C1orf21: variants seen among roughly 807,000 people sequenced by gnomAD.
C1orf21 encodes the protein chromosome 1 open reading frame 21.
A neutral mutation model predicts 18.7 loss-of-function variants in C1orf21; 3 were observed. The ratio of observed to expected loss-of-function variants is 0.16; its 90% CI spans 0.07 to 0.42. The LOEUF (loss-of-function observed/expected upper bound fraction) is 0.42, where lower values mean the gene tolerates loss of function less well. Among genes scored for constraint, C1orf21 ranks in the 10% least tolerant of loss-of-function variants. The pLI, the probability that C1orf21 is intolerant of heterozygous loss-of-function variation, is 0.99. For missense variants in C1orf21, 104 were observed against 143.6 expected (o/e 0.72, Z 1.41); for synonymous variants, 41 against 46.4 (o/e 0.88, Z 0.47).
At chr1:184,473,292 A>G (rs1381323901) in intron 1 of C1orf21, among the ~76,000 whole-genome samples, 2 of 152,190 alleles carry the variant, frequency 1.3e-5, no homozygotes, top group East Asian at 3.8e-4. Context: ...CATGCTGGTA[A>G]TAACAACATG....
At chr1:184,451,128 T>C (rs1465775442) in intron 1 of C1orf21, among the ~76,000 whole-genome samples, 2 of 152,208 alleles carry the variant, frequency 1.3e-5, no homozygotes, top group Non-Finnish European at 2.9e-5. Context: ...TCCGTCTGCC[T>C]CGGCCTCCCA....
chr1:184,467,835 T>G (rs1034195653), intron 1 of C1orf21, among the ~76,000 whole-genome samples: 1 of 152,210 alleles, frequency 6.6e-6, no homozygotes, highest in Non-Finnish European at 1.5e-5. Context: ...TCAAAATTCA[T>G]GAGGTCATAT....
At chr1:184,503,915 A>G (rs1259101355) in intron 2 of C1orf21, among the ~76,000 whole-genome samples, 2 of 152,188 alleles carry the variant, frequency 1.3e-5, no homozygotes, top group Non-Finnish European at 2.9e-5. Flanking sequence ...GTACATGTTC[A>G]AGGGAGAAGC....
At chr1:184,520,216 G>A (rs543701682) in intron 3 of C1orf21, among the ~76,000 whole-genome samples, 1 of 152,046 alleles carries the variant, frequency 6.6e-6, no homozygotes, top group East Asian at 1.9e-4. Context: ...TCCGTTTTTT[G>A]GTTCCTGTTC....
At chr1:184,575,020 A>G (rs781721294) in intron 3 of C1orf21, among the ~76,000 whole-genome samples, 1 of 152,226 alleles carries the variant, frequency 6.6e-6, no homozygotes, top group Non-Finnish European at 1.5e-5. Flanking sequence ...AGATACGCAA[A>G]TGAAGAAACT....
chr1:184,467,780 A>T (rs1159695006), intron 1 of C1orf21, among the ~76,000 whole-genome samples: 2 of 152,116 alleles, frequency 1.3e-5, no homozygotes, highest in African/African-American at 4.8e-5. Context: ...TCTCTTATTG[A>T]TTGCCTACTA....
At position 184,517,169 on chromosome 1, in the gene C1orf21, G is replaced by T. The variant is rs912385779; in HGVS notation, c.189+9487G>T. On this transcript the variant is annotated intron_variant, in intron 3 of 5. Transcript: ENST00000235307. ...GAATATAACTTGTGAGGAATAAAAG[G>T]CTTGTAAATGAATGTTAAAACTTTC... Among the ~76,000 whole-genome samples the T allele has an allele frequency of 5.7e-4, 87 of 152,162 alleles. 1 individual carries two copies. Among genetic ancestry groups the T allele is most frequent in the Admixed American group, 2.0e-4 (3 of 15,268 alleles).
Position 184,571,894 on chromosome 1 carries a change from T to C in C1orf21, c.190-18845T>C, listed in dbSNP as rs572132125. ...CCAGTAACTCTATGGCCTTGTTTCC[T>C]TGATGTTCTTCTTAATGTTCTCAAC... is the stretch of plus-strand genomic sequence containing the variant. On this transcript the variant is annotated intron_variant, in intron 3 of 5. Coordinates refer to ENST00000235307, the MANE Select transcript of C1orf21 (RefSeq NM_030806.4). Among the ~76,000 whole-genome samples the C allele has an allele frequency of 4.8e-5, 7 of 146,882 alleles. No individual in the cohort carries two copies. In the South Asian group the frequency reaches 1.3e-3, roughly 28 times the overall value.
At chr1:184,600,652 G>A (rs1177438812) in intron 5 of C1orf21, among the ~76,000 whole-genome samples, 4 of 152,186 alleles carry the variant, frequency 2.6e-5, no homozygotes, top group Non-Finnish European at 5.9e-5. Flanking sequence ...TTCGTTGGAT[G>A]GAAGCTTCCC....
At chr1:184,579,465 C>T (rs1571286750) in intron 3 of C1orf21, among the ~76,000 whole-genome samples, 2 of 132,600 alleles carry the variant, frequency 1.5e-5, no homozygotes, top group East Asian at 2.3e-4. Context: ...CTCAAGCAAT[C>T]TCCCACCTCA....
At chr1:184,468,060 G>A (rs1657431644) in intron 1 of C1orf21, among the ~76,000 whole-genome samples, 1 of 152,030 alleles carries the variant, frequency 6.6e-6, no homozygotes. Context: ...GAGAGAGAGA[G>A]AAAAAGAGAA....
chr1:184,616,061 GC>G (rs1659819797), intron 5 of C1orf21, among the ~76,000 whole-genome samples: 1 of 152,030 alleles, frequency 6.6e-6, no homozygotes, highest in Non-Finnish European at 1.5e-5. Context: ...CTTCATCCTT[GC>G]CCCAAGCCTA....
chr1:184,596,175 A>G (rs1268200131), intron 4 of C1orf21, among the ~76,000 whole-genome samples: 1 of 152,194 alleles, frequency 6.6e-6, no homozygotes, highest in Non-Finnish European at 1.5e-5. Flanking sequence ...AGTACTGACC[A>G]AACGTTGCAG....
intron 3 of C1orf21, among the ~76,000 whole-genome samples, chr1:184,533,307 A>C (rs1250483295): frequency 2.0e-5 from 3 of 152,028 alleles, no homozygotes; most frequent in Non-Finnish European, 4.4e-5. Flanking sequence ...TTTGTAACTC[A>C]TATCATAATC....
intron 3 of C1orf21, among the ~76,000 whole-genome samples, chr1:184,523,448 A>G (rs967684758): frequency 6.6e-6 from 1 of 152,196 alleles, no homozygotes; most frequent in African/African-American, 2.4e-5. Flanking sequence ...TACTCCTGAA[A>G]ACTATCAAGG....
chr1:184,403,832 T>C (rs1196800868), intron 1 of C1orf21, among the ~76,000 whole-genome samples: 1 of 152,136 alleles, frequency 6.6e-6, no homozygotes, highest in African/African-American at 2.4e-5. Flanking sequence ...CAGTAAGAAA[T>C]CTGTTATTGT....
chr1:184,512,634 G>GGA (rs2101965940), intron 3 of C1orf21, among the ~76,000 whole-genome samples: 1 of 152,264 alleles, frequency 6.6e-6, no homozygotes, highest in Non-Finnish European at 1.5e-5. Flanking sequence ...CATTTGCTTT[G>GGA]GAGAGTATAC....
intron 2 of C1orf21, among the ~76,000 whole-genome samples, chr1:184,483,454 A>G (rs558040987): frequency 6.6e-6 from 1 of 152,290 alleles, no homozygotes; most frequent in East Asian, 1.9e-4. Context: ...CCCGCCCCCA[A>G]GTGGGGAGAA....
At chr1:184,566,490 T>C (rs1364617346) in intron 3 of C1orf21, 3 of 279,412 alleles carry the variant, frequency 1.1e-5, no homozygotes, top group Non-Finnish European at 2.1e-5. Context: ...CCCTGAGAGG[T>C]GGATTTCAGT....
Sources: allele counts gnomAD v4.1 joint callset (sites outside exome capture counted in the v4.1 genomes callset), GRCh38; gene constraint gnomAD v4.1.1; transcripts MANE v1.5; gene names NCBI Gene and HGNC (gene_info 2026-07-23, HGNC 2026-07-21).